Variants in TENM4 observed in about 807,000 individuals in gnomAD.
TENM4 encodes the protein teneurin-4.
In TENM4, 82 loss-of-function variants were observed where a neutral mutation model predicts 243.3. The ratio of observed to expected loss-of-function variants is 0.34; its 90% CI spans 0.28 to 0.40. The LOEUF is 0.40. TENM4 is among the 10% of genes least tolerant of loss of function. TENM4 has a pLI of 1.00. For synonymous variants in TENM4, 1,412 were observed against 1,456.3 expected (o/e 0.97, Z 0.69); for missense variants, 3,138 against 3,673.3 (o/e 0.85, Z 3.77).
intron 2 of TENM4, among the ~76,000 whole-genome samples, chr11:79,241,154 G>T (rs1035559887): frequency 1.3e-5 from 2 of 151,882 alleles, no homozygotes; most frequent in African/African-American, 4.8e-5. Flanking sequence ...ATACCATGAT[G>T]AGTTTGTTTG....
At chr11:79,379,060 A>G (rs1297969091) in intron 1 of TENM4, among the ~76,000 whole-genome samples, 2 of 152,112 alleles carry the variant, frequency 1.3e-5, no homozygotes, top group Non-Finnish European at 2.9e-5. Flanking sequence ...AAATAAGACA[A>G]TGAGAGTGTG....
rs555691423 is a variant in TENM4, at chr11:78,860,614, AACATACACTGAGTAG to A, written c.1255+2333_1255+2347del. Among the ~76,000 whole-genome samples the A allele has an allele frequency of 3.3e-4, 50 of 152,328 alleles. No individual in the cohort carries two copies. The South Asian group carries it at 0.01, about 31-fold the overall frequency. ...ATGCATTTTTAACATCACAATGAAAAACATACACTGAGTAGACATTGGTTTGACCAGGGCAAAATA... is the reference window on the plus strand; with the variant it reads ...ATGCATTTTTAACATCACAATGAAAAACATTGGTTTGACCAGGGCAAAATA... On this transcript the variant is annotated intron_variant, in intron 10 of 33. Transcript: ENST00000278550.
intron 1 of TENM4, among the ~76,000 whole-genome samples, chr11:79,313,247 C>T (rs1856751087): frequency 6.6e-6 from 1 of 152,180 alleles, no homozygotes; most frequent in South Asian, 2.1e-4. Context: ...AATCCTTTCA[C>T]TTATTTATTC....
At chr11:78,918,087 T>C (rs1212296324) in intron 6 of TENM4, among the ~76,000 whole-genome samples, 2 of 152,228 alleles carry the variant, frequency 1.3e-5, no homozygotes, top group African/African-American at 2.4e-5. Flanking sequence ...CAAGTCTGTC[T>C]GGCTTCGACT....
chr11:79,335,313 G>A (rs889156468), intron 1 of TENM4, among the ~76,000 whole-genome samples: 1 of 152,186 alleles, frequency 6.6e-6, no homozygotes, highest in African/African-American at 2.4e-5. Context: ...TAACTGCCAT[G>A]CTCAAAGAGA....
At chr11:79,401,044 T>A (rs1858450032) in intron 1 of TENM4, among the ~76,000 whole-genome samples, 1 of 152,158 alleles carries the variant, frequency 6.6e-6, no homozygotes, top group Non-Finnish European at 1.5e-5. Context: ...AAATTCAAAC[T>A]ACCGAGTGAA....
chr11:79,434,830 C>G (rs1206516191), intron 1 of TENM4, among the ~76,000 whole-genome samples: 9 of 152,022 alleles, frequency 5.9e-5, no homozygotes, highest in African/African-American at 1.9e-4. Flanking sequence ...CCCTGAAATG[C>G]TACTTTCTAG....
At chr11:78,670,649 G>C in intron 31 of TENM4, 98 bp from the exon 32 acceptor site, 1 of 1,218,986 alleles carries the variant, frequency 8.2e-7, no homozygotes. Context: ...GAATGTCCAA[G>C]GAGAATCCTG....
At chr11:79,001,729 GC>G (rs1416170475) in intron 6 of TENM4, among the ~76,000 whole-genome samples, 2 of 152,194 alleles carry the variant, frequency 1.3e-5, no homozygotes, top group South Asian at 2.1e-4. Flanking sequence ...TGAACTAATT[GC>G]CCCCCTGTAT....
Position 78,657,879 on chromosome 11 carries a change from G to T in TENM4, c.*179C>A. 1 of 983,176 alleles carries T rather than the reference G, an allele frequency of 1.0e-6. No individual in the cohort carries two copies. The highest frequency in any genetic ancestry group is 1.6e-6 in the Non-Finnish European group (1 of 642,702). The allele number at this position is 983,176 out of a possible 1,614,324, so 60.9% of individuals were successfully genotyped here. On this transcript the variant is annotated 3_prime_UTR_variant, in exon 34 of 34. Coordinates refer to ENST00000278550, the MANE Select transcript of TENM4 (RefSeq NM_001098816.3). The stretch of plus-strand genomic sequence containing the variant: ...CTTCTGTTCTTTGCAAAAAATGTGC[G>T]AAGGCCAAATCTGTGTTTTTCTTTT...
intron 2 of TENM4, among the ~76,000 whole-genome samples, chr11:79,292,805 G>T (rs572237648): frequency 2.8e-4 from 42 of 152,298 alleles, no homozygotes; most frequent in Middle Eastern, 3.4e-3. Flanking sequence ...GTGTAAAATG[G>T]CTTTAATAAT....
intron 15 of TENM4, among the ~76,000 whole-genome samples, chr11:78,791,838 G>A (rs1857062883): frequency 6.6e-6 from 1 of 152,192 alleles, no homozygotes; most frequent in Admixed American, 6.5e-5. Flanking sequence ...CAATAACAAG[G>A]GAGGGTTTGA....
intron 2 of TENM4, among the ~76,000 whole-genome samples, chr11:79,250,925 A>G (rs943784792): frequency 1.3e-5 from 2 of 152,230 alleles, no homozygotes; most frequent in African/African-American, 2.4e-5. Context: ...TGGTGCTTCA[A>G]GAAGCTATAA....
At chr11:78,978,077 C>A (rs540279838) in intron 6 of TENM4, among the ~76,000 whole-genome samples, 19 of 152,202 alleles carry the variant, frequency 1.2e-4, no homozygotes, top group Admixed American at 3.3e-4. Flanking sequence ...AGCTGGAAAT[C>A]GTCTTTCTCA....
At position 79,231,687 on chromosome 11, in the gene TENM4, A is replaced by T. The variant is rs147355182; in HGVS notation, c.-264-15778T>A. ...TTGTGGCAATTTGTGACAATTATAA[A>T]TCTTCTTCACCTGCTTACTCATTTG... On this transcript the variant is annotated intron_variant, in intron 2 of 33. Coordinates refer to ENST00000278550, the MANE Select transcript of TENM4 (RefSeq NM_001098816.3). Among the ~76,000 whole-genome samples the T allele has an allele frequency of 6.0e-3, 919 of 152,334 alleles. 10 individuals are homozygous for T. The highest frequency in any genetic ancestry group is 0.023 in the South Asian group (111 of 4,828).
intron 4 of TENM4, among the ~76,000 whole-genome samples, chr11:79,132,791 G>A (rs957712670): frequency 6.6e-6 from 1 of 152,038 alleles, no homozygotes; most frequent in Non-Finnish European, 1.5e-5. Flanking sequence ...AAAATTCTTC[G>A]AACTTAACGA....
Position 78,671,336 on chromosome 11 carries a change from C to A in TENM4, c.5793+697G>T, listed in dbSNP as rs529071229. Reference sequence around the variant, plus strand: ...AAAATGTCACTTTTGGGGGTACTCACCCAGTGGGTAGAGGAGACCCACCTC... The same window carrying A: ...AAAATGTCACTTTTGGGGGTACTCAACCAGTGGGTAGAGGAGACCCACCTC... On this transcript the variant is annotated intron_variant, in intron 31 of 33. Coordinates refer to ENST00000278550, the MANE Select transcript of TENM4 (RefSeq NM_001098816.3). 5.9e-5 allele frequency among the ~76,000 whole-genome samples: 9 copies of A among 152,312 alleles called. No homozygotes were observed. In the East Asian group the frequency reaches 1.4e-3, roughly 23 times the overall value.
intron 3 of TENM4, among the ~76,000 whole-genome samples, chr11:79,159,888 T>C (rs1862705356): frequency 6.6e-6 from 1 of 152,216 alleles, no homozygotes; most frequent in Non-Finnish European, 1.5e-5. Context: ...CCCCCAATTT[T>C]CACTCATTTA....
intron 16 of TENM4, among the ~76,000 whole-genome samples, chr11:78,782,763 CT>C (rs761549007): frequency 0.03 from 2,744 of 91,554 alleles, 93 homozygotes; most frequent in African/African-American, 0.08. Flanking sequence ...GAGACTCTGT[CT>C]TTTTTTTTAA....
Sources: allele counts gnomAD v4.1 joint callset (sites outside exome capture counted in the v4.1 genomes callset), GRCh38; gene constraint gnomAD v4.1.1; transcripts MANE v1.5; gene names NCBI Gene and HGNC (gene_info 2026-07-23, HGNC 2026-07-21).